Variants in KMT2A observed in about 807,000 individuals in gnomAD.
The protein encoded by KMT2A is histone-lysine N-methyltransferase 2A.
A neutral mutation model predicts 345.3 loss-of-function variants in KMT2A; 16 were observed. The observed-to-expected ratio is 0.05, with a 90% confidence interval of 0.03 to 0.07. KMT2A has a LOEUF of 0.07. Among genes scored for constraint, KMT2A ranks in the 10% least tolerant of loss-of-function variants. The pLI, the probability that KMT2A is intolerant of heterozygous loss-of-function variation, is 1.00. For missense variants in KMT2A, 3,272 were observed against 4,841.6 expected, an observed-to-expected ratio of 0.68 and a Z score of 9.62; for synonymous variants, 1,599 against 1,778.6, an observed-to-expected ratio of 0.90 and a Z score of 2.54.
rs9332753 is a variant in KMT2A at position 118,447,082 on chromosome 11, A to G, written c.432+10138A>G. 2.4e-3 allele frequency among the ~76,000 whole-genome samples: 364 copies of G among 152,330 alleles called. 3 individuals carry two copies. The Middle Eastern group carries it at 0.041, about 17-fold the overall frequency. ...CTCCCATGGTTCAACTCAGATCCCC[A>G]GATCCTAACTCTTCCATGAAGTTTT... is the stretch of plus-strand genomic sequence containing the variant. On this transcript the variant is annotated intron_variant, in intron 1 of 35. Coordinates refer to ENST00000534358, the MANE Select transcript of KMT2A (RefSeq NM_001197104.2).
Position 118,494,215 on chromosome 11 carries a change from T to TAAGGA in KMT2A, c.5179-72_5179-68dup. 1 of 778,260 alleles carries TAAGGA rather than the reference T, an allele frequency of 1.3e-6. No individual in the cohort carries two copies. Among genetic ancestry groups the TAAGGA allele is most frequent in the South Asian group, 1.5e-5 (1 of 67,334 alleles). The allele number at this position is 778,260 out of a possible 1,614,324, so 48.2% of individuals were successfully genotyped here. On this transcript the variant is annotated intron_variant, in intron 16 of 35. Coordinates refer to ENST00000534358, the MANE Select transcript of KMT2A (RefSeq NM_001197104.2). The surrounding 1 kb of genome is among the most constrained non-coding windows in gnomAD (Gnocchi z 5.8). Reference sequence around the variant, plus strand: ...CTGTTGGATCTCTGTGCTGGATGATTAAGGAGGGAAGAGGAAATGGTTTTC... The same window carrying TAAGGA: ...CTGTTGGATCTCTGTGCTGGATGATTAAGGAAAGGAGGGAAGAGGAAATGGTTTTC...
chr11:118,480,160 C>T lies in KMT2A; in HGVS notation c.3570-14C>T, dbSNP rs181775729. 21 of 1,603,252 alleles carry T rather than the reference C, an allele frequency of 1.3e-5. No individual in the cohort carries two copies. The highest frequency in any genetic ancestry group is 3.3e-5 in the Admixed American group (2 of 59,892). On this transcript the variant is annotated splice_polypyrimidine_tract_variant and intron_variant, in intron 5 of 35. Coordinates refer to ENST00000534358, the MANE Select transcript of KMT2A (RefSeq NM_001197104.2). The stretch of plus-strand genomic sequence containing the variant: ...AATTTAATTTGTTTCATGGTTTATT[C>T]GTTGTTTTCCTAGGATGAGAAAATG...
intron 1 of KMT2A, among the ~76,000 whole-genome samples, chr11:118,445,874 C>T (rs868956355): frequency 2.7e-5 from 4 of 150,834 alleles, no homozygotes; most frequent in African/African-American, 9.8e-5. Flanking sequence ...GTGGTGGTTG[C>T]GCACCTGTAT....
Position 118,503,810 on chromosome 11 carries a change from G to A in KMT2A, c.7918G>A (p.Val2640Ile), listed in dbSNP as rs782661653. Residue 2640 changes from valine (V) to isoleucine (I), a missense_variant, in exon 27 of 36, where the codon GTA (valine) becomes ATA (isoleucine). Around this residue, in one of 27 missense-constraint regions of KMT2A, gnomAD observed 21 missense variants for 74.6 expected, o/e 0.28. Transcript: ENST00000534358. The surrounding 1 kb of genome is among the most constrained non-coding windows in gnomAD (Gnocchi z 5.3). Reference protein sequence around the residue: ...MFFGLTPLYGVRSYGEEDIPF... With the variant: ...MFFGLTPLYGIRSYGEEDIPF... ...TTTTGGGCTTACCCCACTCTATGGAGTAAGATCCTATGGTGAAGAAGACAT... is the reference window on the plus strand; with the variant it reads ...TTTTGGGCTTACCCCACTCTATGGAATAAGATCCTATGGTGAAGAAGACAT... The A allele has an allele frequency of 3.1e-6, 5 of 1,614,112 alleles. No homozygotes were observed. In the African/African-American group the frequency reaches 5.3e-5, roughly 17 times the overall value.
intron 1 of KMT2A, among the ~76,000 whole-genome samples, chr11:118,438,505 G>C (rs181415065): frequency 1.1e-4 from 16 of 148,024 alleles, no homozygotes; most frequent in Middle Eastern, 3.5e-3. Context: ...GAAGCGAAGG[G>C]GGGTAGGGGG....
intron 1 of KMT2A, among the ~76,000 whole-genome samples, chr11:118,440,414 T>G (rs1555139834): frequency 6.6e-6 from 1 of 152,200 alleles, no homozygotes; most frequent in Non-Finnish European, 1.5e-5. Flanking sequence ...TCTCAGGTAA[T>G]GTTCATACTA....
At chr11:118,485,379 A>G (rs1274191578) in intron 10 of KMT2A, among the ~76,000 whole-genome samples, 39 of 152,204 alleles carry the variant, frequency 2.6e-4, no homozygotes, top group Admixed American at 2.6e-3. Context: ...AAAAAAAAAT[A>G]GGCAAAAGAC....
Position 118,491,675 on chromosome 11 carries a change from A to C in KMT2A, c.4820-69A>C. ...ATGGCTTTATAGTAAGTTCAGTGGA[A>C]TAGTTTCCTCTTCTTCCTCTCTCTC... On this transcript the variant is annotated intron_variant, in intron 14 of 35. Coordinates refer to ENST00000534358, the MANE Select transcript of KMT2A (RefSeq NM_001197104.2). This position sits in a 1 kb window ranked among gnomAD's most constrained non-coding sequence, Gnocchi z 4.2. The C allele has an allele frequency of 3.3e-6, 4 of 1,216,286 alleles. No individual in the cohort carries two copies. The highest frequency in any genetic ancestry group is 4.6e-6 in the Non-Finnish European group (4 of 863,138). The allele number at this position is 1,216,286 out of a possible 1,614,324, so 75.3% of individuals were successfully genotyped here. A position where few individuals can be genotyped will look rare whatever the true frequency, so the allele number is the denominator to read the frequency against.
chr11:118,507,891 A>G, intron 28 of KMT2A: 1 of 306,752 alleles, frequency 3.3e-6, no homozygotes, highest in Non-Finnish European at 6.4e-6. Context: ...TGAACCCAGG[A>G]GGCGGAGCTT....
Position 118,505,778 on chromosome 11 carries a change from A to G in KMT2A, c.9886A>G (p.Ile3296Val), listed in dbSNP as rs1393059298. 1.9e-6 allele frequency: 3 copies of G among 1,614,118 alleles called. No homozygotes were observed. Among genetic ancestry groups the G allele is most frequent in the Non-Finnish European group, 2.5e-6 (3 of 1,180,002 alleles). ...PNIIKRSKSS[I>V]MYFEPAPLLP... ...CATCATAAAAAGATCTAAATCTAGCATCATGTATTTTGAACCGGCACCCCT... is the reference window on the plus strand; with the variant it reads ...CATCATAAAAAGATCTAAATCTAGCGTCATGTATTTTGAACCGGCACCCCT... The change falls in exon 27 of 36, where the codon ATC (isoleucine) becomes GTC (valine). Residue 3296 changes from isoleucine to valine, a missense_variant. Transcript: ENST00000534358. The surrounding 1 kb of genome is among the most constrained non-coding windows in gnomAD (Gnocchi z 4.6).
At position 118,520,295 on chromosome 11, in the gene KMT2A, A is replaced by C; in HGVS notation, c.11429+231A>C. The C allele has an allele frequency of 1.9e-6, 1 of 513,590 alleles. No individual in the cohort carries two copies. The highest frequency in any genetic ancestry group is 3.4e-6 in the Non-Finnish European group (1 of 290,772). The allele number at this position is 513,590 out of a possible 1,614,324, so 31.8% of individuals were successfully genotyped here. On this transcript the variant is annotated intron_variant, in intron 33 of 35. Transcript: ENST00000534358. This position sits in a 1 kb window ranked among gnomAD's most constrained non-coding sequence, Gnocchi z 4.3. ...TGCCTGTTTTCTTTAATGATAGTAT[A>C]CTCTGTCAGCTTTGGTTGTACCACC...
At chr11:118,470,778 G>T (rs9332768) in intron 2 of KMT2A, among the ~76,000 whole-genome samples, 345 of 152,298 alleles carry the variant, frequency 2.3e-3, no homozygotes, top group Admixed American at 4.2e-3. Context: ...TGATAAAATA[G>T]CCTAGTCTTA....
Position 118,496,231 on chromosome 11 carries a change from G to A in KMT2A, c.5558-30G>A, listed in dbSNP as rs1950406931. On this transcript the variant is annotated intron_variant, in intron 19 of 35. Transcript: ENST00000534358. The surrounding 1 kb of genome is among the most constrained non-coding windows in gnomAD (Gnocchi z 4.7). ...ATTGCCAATTTTAACTGGATCTCAA[G>A]GTATTGATGGGAGTCTTTTGGATTT... 6.8e-7 allele frequency: 1 copy of A among 1,471,154 alleles called. No individual in the cohort carries two copies. The highest frequency in any genetic ancestry group is 9.5e-7 in the Non-Finnish European group (1 of 1,051,254). The allele number at this position is 1,471,154 out of a possible 1,614,324, so 91.1% of individuals were successfully genotyped here. A position where few individuals can be genotyped will look rare whatever the true frequency, so the allele number is the denominator to read the frequency against.
At position 118,503,071 on chromosome 11, in the gene KMT2A, C is replaced by T. The variant is rs1555046416; in HGVS notation, c.7179C>T (p.Asn2393=). Residue 2393 remains asparagine (N), a synonymous_variant, in exon 27 of 36, where the codon AAC becomes AAT. Transcript: ENST00000534358. The surrounding 1 kb of genome is among the most constrained non-coding windows in gnomAD (Gnocchi z 5.3). The part of the protein sequence containing the change: ...DQHTDSTQSA[N]SSPDEDTEVK... The stretch of plus-strand genomic sequence containing the variant: ...ACACAGATTCTACCCAATCAGCAAA[C>T]TCCTCTCCAGATGAAGATACTGAAG... 6.2e-7 allele frequency: 1 copy of T among 1,612,996 alleles called. No homozygotes were observed. The highest frequency in any genetic ancestry group is 8.5e-7 in the Non-Finnish European group (1 of 1,179,980).
rs2134350936 is a variant in KMT2A at position 118,494,681 on chromosome 11, T to C, written c.5290-13T>C. 6.2e-7 allele frequency: 1 copy of C among 1,611,782 alleles called. No homozygotes were observed. Among genetic ancestry groups the C allele is most frequent in the East Asian group, 2.2e-5 (1 of 44,860 alleles). ...TGTTTACATATTTACATTTTGTTTG[T>C]GTTTTCTTTTAGCAAATGGAACGTG... On this transcript the variant is annotated splice_polypyrimidine_tract_variant and intron_variant, in intron 17 of 35. Coordinates refer to ENST00000534358, the MANE Select transcript of KMT2A (RefSeq NM_001197104.2). The surrounding 1 kb of genome is among the most constrained non-coding windows in gnomAD (Gnocchi z 5.8).
rs1565319061 is a variant in KMT2A at position 118,521,854 on chromosome 11, T to G, written c.11644-43T>G. 1 of 1,592,882 alleles carries G rather than the reference T, an allele frequency of 6.3e-7. No individual in the cohort carries two copies. Among genetic ancestry groups the G allele is most frequent in the East Asian group, 2.2e-5 (1 of 44,454 alleles). ...TGGGACATGTTCTTAAAGCTGAGTT[T>G]ATAAGAAATGACAAGTTCTTCTCCC... On this transcript the variant is annotated intron_variant, in intron 35 of 35. Transcript: ENST00000534358. This position sits in a 1 kb window ranked among gnomAD's most constrained non-coding sequence, Gnocchi z 5.3.
chr11:118,437,888 AG>A (rs1159746140), intron 1 of KMT2A, among the ~76,000 whole-genome samples: 3 of 152,046 alleles, frequency 2.0e-5, no homozygotes, highest in Admixed American at 6.5e-5. Flanking sequence ...GCTCTGGGGA[AG>A]GGGGCCCCTG....
At chr11:118,487,466 A>G (rs531372480) in intron 10 of KMT2A, among the ~76,000 whole-genome samples, 10 of 152,322 alleles carry the variant, frequency 6.6e-5, no homozygotes, top group African/African-American at 2.4e-4. Context: ...TCAGACTTAC[A>G]AAAAAACTAT....
chr11:118,492,045 A>C, intron 15 of KMT2A, 117 bp downstream of exon 15: 1 of 701,534 alleles, frequency 1.4e-6, no homozygotes, highest in South Asian at 2.0e-5. Flanking sequence ...TTTTGGCTAT[A>C]ACCATTAGGA....
Sources: allele counts gnomAD v4.1 joint callset (sites outside exome capture counted in the v4.1 genomes callset), GRCh38; gene constraint gnomAD v4.1.1; regional missense constraint gnomAD v4.1.1; non-coding constraint Gnocchi (gnomAD v3.1); transcripts MANE v1.5; gene names NCBI Gene and HGNC (gene_info 2026-07-23, HGNC 2026-07-21).